Variants in CFAP47 observed in about 807,000 individuals in gnomAD.
The protein encoded by CFAP47 is cilia- and flagella-associated protein 47.
A neutral mutation model predicts 148.1 loss-of-function variants in CFAP47; 29 were observed. The ratio of observed to expected loss-of-function variants is 0.20; its 90% CI spans 0.15 to 0.27. The LOEUF is 0.27. Among genes scored for constraint, CFAP47 ranks in the 10% least tolerant of loss-of-function variants. The pLI is 1.00. For synonymous variants in CFAP47, 664 were observed against 577.3 expected (o/e 1.15, Z -2.15); for missense variants, 1,872 against 1,697.5 (o/e 1.10, Z -1.81).
chrX:35,971,989 A>C, intron 13 of CFAP47, 24 bp downstream of exon 13: 1 of 883,420 alleles, frequency 1.1e-6, no homozygotes, highest in Non-Finnish European at 1.6e-6. Context: ...AAAACCTACT[A>C]CAGCCTTTAT....
At chrX:36,282,208 G>A (rs782350604) in intron 50 of CFAP47, among the ~76,000 whole-genome samples, 8 of 110,251 alleles carry the variant, frequency 7.3e-5, no homozygotes, top group Admixed American at 1.9e-4. Context: ...ATTAACATGA[G>A]TTGTAAAGGT....
intron 24 of CFAP47, among the ~76,000 whole-genome samples, chrX:36,036,466 A>T (rs1937340499): frequency 9.0e-6 from 1 of 111,014 alleles, no homozygotes; most frequent in African/African-American, 3.3e-5. Flanking sequence ...ATCAATGGAC[A>T]CTTTTATAAT....
chrX:35,964,919 A>G (rs752387241), intron 8 of CFAP47, among the ~76,000 whole-genome samples: 37 of 111,517 alleles, frequency 3.3e-4, no homozygotes, highest in African/African-American at 1.1e-3. Flanking sequence ...AAATATTTAC[A>G]ATAGTTAACT....
At chrX:36,061,317 A>T (rs1569245802) in intron 26 of CFAP47, among the ~76,000 whole-genome samples, 1 of 111,626 alleles carries the variant, frequency 9.0e-6, no homozygotes, top group Non-Finnish European at 1.9e-5. Flanking sequence ...GCCCAACCTC[A>T]GGTAGTTCTT....
intron 33 of CFAP47, among the ~76,000 whole-genome samples, chrX:36,105,322 A>C (rs770464748): frequency 8.9e-6 from 1 of 112,015 alleles, no homozygotes; most frequent in South Asian, 3.7e-4. Context: ...TACTAAGGAC[A>C]GTGCGCATGG....
intron 42 of CFAP47, among the ~76,000 whole-genome samples, chrX:36,195,961 TAAAC>T (rs1774421337): frequency 8.9e-6 from 1 of 111,778 alleles, no homozygotes; most frequent in African/African-American, 3.2e-5. Flanking sequence ...CAATTATTAT[TAAAC>T]AATCCATTAA....
chrX:36,049,713 AGTT>A (rs1937509063), intron 26 of CFAP47, among the ~76,000 whole-genome samples: 1 of 112,163 alleles, frequency 8.9e-6, no homozygotes, highest in Non-Finnish European at 1.9e-5. Flanking sequence ...CAAAGAACGT[AGTT>A]GTTGTGGTTC....
chrX:36,023,671 A>C (rs1282098983), intron 22 of CFAP47, among the ~76,000 whole-genome samples: 1 of 112,284 alleles, frequency 8.9e-6, no homozygotes, highest in Non-Finnish European at 1.9e-5. Flanking sequence ...ACAGACCACA[A>C]GATGCAGTTC....
chrX:36,353,455 T>A, intron 59 of CFAP47, 74 bp from the exon 60 acceptor site: 1 of 938,185 alleles, frequency 1.1e-6, no homozygotes, highest in Non-Finnish European at 1.5e-6. Flanking sequence ...TATGACATAG[T>A]TCATTTTCTT....
chrX:36,014,154 A>T (rs911616301), intron 21 of CFAP47, among the ~76,000 whole-genome samples: 1 of 111,821 alleles, frequency 8.9e-6, no homozygotes, highest in Non-Finnish European at 1.9e-5. Context: ...TTCAATTTGC[A>T]TTTCCTTAGT....
At chrX:36,341,427 A>G (rs1213039302) in intron 57 of CFAP47, among the ~76,000 whole-genome samples, 3 of 111,430 alleles carry the variant, frequency 2.7e-5, no homozygotes, top group Non-Finnish European at 3.8e-5. Context: ...ACAGTTTATT[A>G]AAAAACGGGA....
At chrX:36,189,500 C>T (rs1555986181) in intron 41 of CFAP47, among the ~76,000 whole-genome samples, 1 of 111,409 alleles carries the variant, frequency 9.0e-6, no homozygotes, top group East Asian at 2.8e-4. Context: ...AATCACACTG[C>T]TTCACTTTTG....
intron 60 of CFAP47, among the ~76,000 whole-genome samples, chrX:36,357,555 G>C (rs1386781457): frequency 3.6e-5 from 4 of 111,989 alleles, no homozygotes; most frequent in African/African-American, 1.3e-4. Flanking sequence ...CACATACTCT[G>C]TTGTTAAGGT....
intron 26 of CFAP47, among the ~76,000 whole-genome samples, chrX:36,053,695 G>A (rs1937532551): frequency 8.9e-6 from 1 of 111,911 alleles, no homozygotes; most frequent in Non-Finnish European, 1.9e-5. Flanking sequence ...TCTATACAAG[G>A]TAGAATGTTT....
chrX:36,382,665 T>TA (rs1333561264), intron 63 of CFAP47, among the ~76,000 whole-genome samples: 1 of 111,561 alleles, frequency 9.0e-6, no homozygotes, highest in Non-Finnish European at 1.9e-5. Context: ...CAGCTTTGGT[T>TA]ATTCAGTCCA....
chrX:36,036,169 A>T (rs1326589146), intron 24 of CFAP47, among the ~76,000 whole-genome samples: 1 of 111,116 alleles, frequency 9.0e-6, no homozygotes, highest in Non-Finnish European at 1.9e-5. Flanking sequence ...TGTTCATCTT[A>T]TAACTGAAAG....
intron 2 of CFAP47, among the ~76,000 whole-genome samples, chrX:35,927,582 C>T (rs1340162350): frequency 9.2e-6 from 1 of 108,736 alleles, no homozygotes; most frequent in Non-Finnish European, 1.9e-5. Context: ...GTGTGATGGA[C>T]AGGGTTGAAG....
At chrX:36,253,594 T>A (rs1257167716) in intron 49 of CFAP47, among the ~76,000 whole-genome samples, 1 of 111,739 alleles carries the variant, frequency 8.9e-6, no homozygotes, top group Non-Finnish European at 1.9e-5. Context: ...TATCAGATAC[T>A]TTTTTAAAAT....
chrX:35,975,708 A>G lies in CFAP47; in HGVS notation c.2508A>G (p.Gly836=), dbSNP rs1296444748. 8.3e-7 allele frequency: 1 copy of G among 1,208,673 alleles called. No individual in the cohort carries two copies. The highest frequency in any genetic ancestry group is 1.1e-6 in the Non-Finnish European group (1 of 892,740). ...FTFTVNNVPS[G]HILVVAVVQP... ...TTACAGTGAACAATGTACCCAGTGG[A>G]CACATCCTAGTGGTGGCAGTTGTCC... The change falls in exon 15 of 64, where the codon GGA becomes GGG. Residue 836 remains glycine, a synonymous_variant. Transcript: ENST00000378653.
Sources: allele counts gnomAD v4.1 joint callset (sites outside exome capture counted in the v4.1 genomes callset), GRCh38; gene constraint gnomAD v4.1.1; transcripts MANE v1.5; gene names NCBI Gene and HGNC (gene_info 2026-07-23, HGNC 2026-07-21).